Variants in XPO4 observed in about 807,000 individuals in gnomAD.
XPO4 encodes exportin 4, also known as exportin-4.
Under a neutral mutation model 143.0 loss-of-function variants are expected in XPO4, and 39 were observed. The observed-to-expected ratio is 0.27, with a 90% CI of 0.21 to 0.36. XPO4 has a LOEUF of 0.36. Among genes scored for constraint, XPO4 ranks in the 10% least tolerant of loss-of-function variants. The probability of loss-of-function intolerance (pLI) is 1.00; values close to 1 mark genes in which losing one functional copy is unlikely to be tolerated. For synonymous variants in XPO4, 439 were observed against 474.0 expected (o/e 0.93, Z 0.96); for missense variants, 907 against 1,348.0 (o/e 0.67, Z 5.12).
At chr13:20,831,240 T>A (rs966660743) in intron 6 of XPO4, among the ~76,000 whole-genome samples, 2 of 152,146 alleles carry the variant, frequency 1.3e-5, no homozygotes, top group Non-Finnish European at 2.9e-5. Flanking sequence ...ATTTTAAAAA[T>A]AATTTCAAGG....
At chr13:20,839,317 A>T (rs1207181736) in intron 6 of XPO4, among the ~76,000 whole-genome samples, 4 of 152,172 alleles carry the variant, frequency 2.6e-5, no homozygotes, top group Non-Finnish European at 2.9e-5. Flanking sequence ...TTTATACGCT[A>T]TGTCTAGAAT....
intron 9 of XPO4, among the ~76,000 whole-genome samples, chr13:20,812,444 T>C (rs199561767): frequency 6.6e-6 from 1 of 152,002 alleles, no homozygotes. Context: ...AATTCTAAGA[T>C]GTTAAAGTCA....
rs560858827 is a variant in XPO4, at chr13:20,854,238, G to A, written c.456+1389C>T. On this transcript the variant is annotated intron_variant, in intron 4 of 22. Transcript: ENST00000255305. The stretch of plus-strand genomic sequence containing the variant: ...ACAGATTCCGTGGGTCTAGACTCCT[G>A]AGGTATCAGTCTGCGGTCCTAAGCA... Among the ~76,000 whole-genome samples, 3 of 152,312 alleles carry A rather than the reference G, an allele frequency of 2.0e-5. No homozygotes were observed. In the East Asian group the frequency reaches 5.8e-4, roughly 29 times the overall value.
chr13:20,881,495 C>A (rs1450743064), intron 1 of XPO4, among the ~76,000 whole-genome samples: 1 of 152,084 alleles, frequency 6.6e-6, no homozygotes, highest in African/African-American at 2.4e-5. Flanking sequence ...TGGCCTCGAT[C>A]TCCTGACCTC....
intron 16 of XPO4, among the ~76,000 whole-genome samples, chr13:20,798,570 T>C (rs1271468501): frequency 6.6e-6 from 1 of 152,180 alleles, no homozygotes; most frequent in Non-Finnish European, 1.5e-5. Context: ...AGCCAGTCCA[T>C]GCTCTCGACT....
intron 6 of XPO4, among the ~76,000 whole-genome samples, chr13:20,832,111 C>T (rs963484232): frequency 3.9e-5 from 6 of 152,120 alleles, no homozygotes. Flanking sequence ...TATAAACATG[C>T]CACCTGCCCT....
chr13:20,848,992 T>C (rs2060057238), intron 4 of XPO4: 2 of 985,344 alleles, frequency 2.0e-6, no homozygotes, highest in Admixed American at 6.1e-5. Flanking sequence ...CATTCTCATT[T>C]ATTTCTAGCA....
rs1473301004 is a variant in XPO4 at position 20,780,132 on chromosome 13, A to G, written c.*3590T>C. ...TCCTTATTCTCTGGTTTTAGAAAAC[A>G]CAAACAAACCTTAAGAAGTACCGAG... On this transcript the variant is annotated 3_prime_UTR_variant, in exon 23 of 23. Transcript: ENST00000255305. 2 of 152,210 alleles carry G rather than the reference A, an allele frequency of 1.3e-5. No individual in the cohort carries two copies. The highest frequency in any genetic ancestry group is 2.9e-5 in the Non-Finnish European group (2 of 68,042). The allele number at this position is 152,210 out of a possible 1,614,324, so 9.4% of individuals were successfully genotyped here.
chr13:20,896,836 T>G (rs542408609), intron 1 of XPO4, among the ~76,000 whole-genome samples: 1 of 152,358 alleles, frequency 6.6e-6, no homozygotes, highest in East Asian at 1.9e-4. Flanking sequence ...TAACTATTTG[T>G]TATCATATTG....
intron 3 of XPO4, chr13:20,856,857 C>A: frequency 2.0e-6 from 2 of 985,340 alleles, no homozygotes; most frequent in Non-Finnish European, 2.4e-6. Flanking sequence ...GTCACTTTCT[C>A]CAGAAAGTTA....
intron 1 of XPO4, among the ~76,000 whole-genome samples, chr13:20,886,569 C>T (rs759663134): frequency 2.6e-5 from 4 of 151,834 alleles, no homozygotes; most frequent in East Asian, 1.9e-4. Context: ...GCAGAGGTCA[C>T]GCTACTGCAC....
In XPO4 at chr13:20,856,870, A is replaced by C. The variant is rs573195091; in HGVS notation, c.318-1105T>G. 2.5e-5 allele frequency: 25 copies of C among 985,406 alleles called. 2 individuals are homozygous for C. In the South Asian group the frequency reaches 1.1e-3, roughly 44 times the overall value. The allele number at this position is 985,406 out of a possible 1,614,324, so 61.0% of individuals were successfully genotyped here. ...ACGTCACTTTCTCCAGAAAGTTATT[A>C]CTAAGGGCTCCCACGGCACCCTCAC... On this transcript the variant is annotated intron_variant, in intron 3 of 22. Transcript: ENST00000255305.
chr13:20,801,388 T>C (rs1202048284), intron 13 of XPO4, among the ~76,000 whole-genome samples: 5 of 152,218 alleles, frequency 3.3e-5, no homozygotes, highest in Non-Finnish European at 4.4e-5. Context: ...AAAACTACCC[T>C]GGTTAGTATA....
chr13:20,791,409 G>T (rs964083541), intron 18 of XPO4, among the ~76,000 whole-genome samples: 2 of 152,072 alleles, frequency 1.3e-5, no homozygotes, highest in Non-Finnish European at 2.9e-5. Context: ...AGACAGCCTT[G>T]TCCACAGAAA....
chr13:20,871,605 G>A (rs534986082), intron 1 of XPO4, among the ~76,000 whole-genome samples: 5 of 152,158 alleles, frequency 3.3e-5, no homozygotes, highest in African/African-American at 4.8e-5. Flanking sequence ...TAGAGTAAAC[G>A]ATACTACCCA....
rs574688534 is a variant in XPO4 at position 20,871,731 on chromosome 13, CTAGT to C, written c.70-3034_70-3031del. Reference sequence around the variant, plus strand: ...ATCCATAATTGTGCAAATTAATATGCTAGTTATTCTACAAACAAAAATTGTCTAA... The same window carrying C: ...ATCCATAATTGTGCAAATTAATATGCTATTCTACAAACAAAAATTGTCTAA... On this transcript the variant is annotated intron_variant, in intron 1 of 22. Coordinates refer to ENST00000255305, the MANE Select transcript of XPO4 (RefSeq NM_022459.5). Among the ~76,000 whole-genome samples, 11 of 152,262 alleles carry C rather than the reference CTAGT, an allele frequency of 7.2e-5. 1 individual carries two copies. The South Asian group carries it at 2.3e-3, about 32-fold the overall frequency.
At chr13:20,858,461 T>C (rs1373018319) in intron 3 of XPO4, among the ~76,000 whole-genome samples, 1 of 152,028 alleles carries the variant, frequency 6.6e-6, no homozygotes, top group Non-Finnish European at 1.5e-5. Flanking sequence ...AGAGAGAAAT[T>C]AAATGTGACA....
At chr13:20,789,760 G>T (rs552884697) in intron 19 of XPO4, among the ~76,000 whole-genome samples, 74 of 149,734 alleles carry the variant, frequency 4.9e-4, no homozygotes, top group African/African-American at 1.7e-3. Flanking sequence ...TCGTGTGTGT[G>T]TGCACACGCA....
rs182492384 is a variant in XPO4 at position 20,849,447 on chromosome 13, T to C, written c.457-5561A>G. 6 of 984,200 alleles carry C rather than the reference T, an allele frequency of 6.1e-6. No individual in the cohort carries two copies. The African/African-American group carries it at 8.7e-5, about 14-fold the overall frequency. The allele number at this position is 984,200 out of a possible 1,614,324, so 61.0% of individuals were successfully genotyped here. ...CAAAGGAAATAAGACAAATATGAAT[T>C]ATATGTTTAAATACAGATTAAAATT... On this transcript the variant is annotated intron_variant, in intron 4 of 22. Coordinates refer to ENST00000255305, the MANE Select transcript of XPO4 (RefSeq NM_022459.5).
Sources: allele counts gnomAD v4.1 joint callset (sites outside exome capture counted in the v4.1 genomes callset), GRCh38; gene constraint gnomAD v4.1.1; transcripts MANE v1.5; gene names NCBI Gene and HGNC (gene_info 2026-07-23, HGNC 2026-07-21).